Variants in FAT3 observed in about 807,000 individuals in gnomAD.
The protein encoded by FAT3 is protocadherin Fat 3.
A neutral mutation model predicts 310.2 loss-of-function variants in FAT3; 95 were observed. That is an observed-to-expected ratio of 0.31 (90% confidence interval 0.26 to 0.36). The LOEUF (loss-of-function observed/expected upper bound fraction) is 0.36, where lower values mean the gene tolerates loss of function less well. Among genes scored for constraint, FAT3 ranks in the 10% least tolerant of loss-of-function variants. The pLI is 1.00. For missense variants in FAT3, 5,408 were observed against 5,715.6 expected (o/e 0.95, Z 1.74); for synonymous variants, 2,314 against 2,192.9 (o/e 1.06, Z -1.54).
intron 2 of FAT3, among the ~76,000 whole-genome samples, chr11:92,459,211 C>G (rs952162142): frequency 3.3e-5 from 5 of 152,108 alleles, no homozygotes; most frequent in African/African-American, 1.2e-4. Context: ...GGTACGATGG[C>G]CACCCTTCAG....
chr11:92,423,790 G>C (rs572002255), intron 2 of FAT3, among the ~76,000 whole-genome samples: 7 of 152,170 alleles, frequency 4.6e-5, no homozygotes, highest in Non-Finnish European at 1.0e-4. Context: ...TTACAGTCTT[G>C]AGGATTCCTT....
intron 1 of FAT3, among the ~76,000 whole-genome samples, chr11:92,263,254 T>A (rs945064314): frequency 6.6e-6 from 1 of 151,974 alleles, no homozygotes; most frequent in Non-Finnish European, 1.5e-5. Context: ...TCACTTATTC[T>A]GGTTTTCCTC....
chr11:92,243,390 G>C (rs965392085), intron 1 of FAT3, among the ~76,000 whole-genome samples: 3 of 151,780 alleles, frequency 2.0e-5, no homozygotes, highest in Non-Finnish European at 4.4e-5. Context: ...TTTTCTTTTG[G>C]GGCTTTTGGG....
intron 13 of FAT3, among the ~76,000 whole-genome samples, chr11:92,814,987 G>C (rs938684217): frequency 4.6e-5 from 7 of 152,168 alleles, no homozygotes; most frequent in Non-Finnish European, 7.3e-5. Flanking sequence ...CAACTAAATA[G>C]TTGAGAGAAC....
intron 1 of FAT3, among the ~76,000 whole-genome samples, chr11:92,233,996 T>C (rs1454419705): frequency 1.3e-5 from 2 of 152,206 alleles, no homozygotes; most frequent in African/African-American, 4.8e-5. Flanking sequence ...TGCAGGTATT[T>C]TGAGATTTAT....
intron 3 of FAT3, among the ~76,000 whole-genome samples, chr11:92,618,249 G>A (rs1012003402): frequency 7.9e-5 from 12 of 152,172 alleles, no homozygotes; most frequent in South Asian, 2.1e-4. Flanking sequence ...AGCGGTGAGC[G>A]AGGCGCCATG....
At chr11:92,587,324 T>C (rs1039619041) in intron 3 of FAT3, among the ~76,000 whole-genome samples, 1 of 151,994 alleles carries the variant, frequency 6.6e-6, no homozygotes, top group Non-Finnish European at 1.5e-5. Flanking sequence ...GCCTAAAATA[T>C]CCACTGTTGG....
chr11:92,676,134 A>T (rs899408464), intron 3 of FAT3, among the ~76,000 whole-genome samples: 4 of 152,182 alleles, frequency 2.6e-5, no homozygotes, highest in African/African-American at 9.6e-5. Context: ...TCTGGCTTAC[A>T]ATAATTGTTG....
At chr11:92,275,018 ATGTT>A (rs1946227489) in intron 1 of FAT3, among the ~76,000 whole-genome samples, 1 of 152,126 alleles carries the variant, frequency 6.6e-6, no homozygotes, top group African/African-American at 2.4e-5. Flanking sequence ...TATTTTAGCT[ATGTT>A]TGTCAGGTAT....
At chr11:92,583,712 T>C (rs141015956) in intron 3 of FAT3, among the ~76,000 whole-genome samples, 1 of 152,004 alleles carries the variant, frequency 6.6e-6, no homozygotes, top group Non-Finnish European at 1.5e-5. Context: ...ACCCCCATTG[T>C]CACTATAGTT....
intron 2 of FAT3, among the ~76,000 whole-genome samples, chr11:92,400,999 A>G (rs1950000464): frequency 6.6e-6 from 1 of 152,184 alleles, no homozygotes; most frequent in Non-Finnish European, 1.5e-5. Flanking sequence ...GATTAAAACC[A>G]TAAAGAAGGA....
chr11:92,632,611 G>C (rs921713096), intron 3 of FAT3, among the ~76,000 whole-genome samples: 7 of 152,210 alleles, frequency 4.6e-5, no homozygotes, highest in Admixed American at 3.9e-4. Flanking sequence ...CTGTTCAGAG[G>C]CATATGAAAG....
chr11:92,882,469 C>T (rs1949689507), intron 23 of FAT3, among the ~76,000 whole-genome samples: 1 of 151,966 alleles, frequency 6.6e-6, no homozygotes, highest in Admixed American at 6.6e-5. Context: ...CTTCCTTTCC[C>T]CCAACCCAGG....
intron 16 of FAT3, 127 bp from the exon 17 acceptor site, chr11:92,837,535 TC>T (rs1469077330): frequency 8.8e-7 from 1 of 1,135,162 alleles, no homozygotes; most frequent in African/African-American, 1.6e-5. Context: ...AATCACCCGG[TC>T]TGGAAAATCA....
chr11:92,397,549 T>A (rs1949901682), intron 2 of FAT3, among the ~76,000 whole-genome samples: 1 of 152,100 alleles, frequency 6.6e-6, no homozygotes, highest in Non-Finnish European at 1.5e-5. Context: ...GACTAAAACC[T>A]TTTCCCCAAA....
rs750703678 is a variant in FAT3, at chr11:92,797,879, C to A, written c.4866C>A (p.Ile1622=). The change falls in exon 10 of 28, where the codon ATC becomes ATA. Residue 1622 remains isoleucine (I), a synonymous_variant. Transcript: ENST00000525166. ...NMFKIEPVLG[I]ITICKEPDMT... is the part of the protein sequence containing the mutation. ...TTAAGATCGAACCGGTCCTAGGCAT[C>A]ATCACCATTTGCAAAGAACCAGACA... is the stretch of plus-strand genomic sequence containing the variant. 6.2e-7 allele frequency: 1 copy of A among 1,613,874 alleles called. No homozygotes were observed. The highest frequency in any genetic ancestry group is 8.5e-7 in the Non-Finnish European group (1 of 1,179,810).
intron 17 of FAT3, among the ~76,000 whole-genome samples, chr11:92,838,497 C>T (rs1948460667): frequency 6.6e-6 from 1 of 152,152 alleles, no homozygotes; most frequent in Non-Finnish European, 1.5e-5. Context: ...GCGTCCTCTA[C>T]TTCTCAGTAT....
chr11:92,553,639 TG>T (rs1360543070), intron 3 of FAT3, among the ~76,000 whole-genome samples: 3 of 149,424 alleles, frequency 2.0e-5, no homozygotes, highest in Non-Finnish European at 4.5e-5. Context: ...GGAGCATTGA[TG>T]GGAAAATTGT....
intron 2 of FAT3, among the ~76,000 whole-genome samples, chr11:92,463,244 C>G (rs1951679348): frequency 6.6e-6 from 1 of 152,188 alleles, no homozygotes; most frequent in Non-Finnish European, 1.5e-5. Flanking sequence ...CTGGCATGCT[C>G]TCATTTTGTA....
Sources: allele counts gnomAD v4.1 joint callset (sites outside exome capture counted in the v4.1 genomes callset), GRCh38; gene constraint gnomAD v4.1.1; transcripts MANE v1.5; gene names NCBI Gene and HGNC (gene_info 2026-07-23, HGNC 2026-07-21).